SENP6: variants seen among roughly 807,000 people sequenced by gnomAD.
SENP6 encodes the protein SUMO specific peptidase 6, also known as sentrin-specific protease 6.
A neutral mutation model predicts 134.5 loss-of-function variants in SENP6; 41 were observed. The ratio of observed to expected loss-of-function variants is 0.30; its 90% CI spans 0.24 to 0.40. The LOEUF is 0.40. Among genes scored for constraint, SENP6 ranks in the 10% least tolerant of loss-of-function variants. The probability of loss-of-function intolerance (pLI) is 1.00; values close to 1 mark genes in which losing one functional copy is unlikely to be tolerated. For synonymous variants in SENP6, 395 were observed against 429.8 expected, an observed-to-expected ratio of 0.92 and a Z score of 1.00; for missense variants, 1,248 against 1,312.5, an observed-to-expected ratio of 0.95 and a Z score of 0.76.
chr6:75,610,643 A>C (rs1037055003), intron 1 of SENP6, among the ~76,000 whole-genome samples: 1 of 152,174 alleles, frequency 6.6e-6, no homozygotes, highest in Non-Finnish European at 1.5e-5. Context: ...TGGGGCTTTC[A>C]GTGCTAAAAT....
chr6:75,621,878 A>G (rs1768300431), intron 2 of SENP6, among the ~76,000 whole-genome samples: 1 of 152,250 alleles, frequency 6.6e-6, no homozygotes, highest in Admixed American at 6.5e-5. Flanking sequence ...AATTGACTGT[A>G]CAATGGAAGG....
intron 1 of SENP6, among the ~76,000 whole-genome samples, chr6:75,614,447 TA>T (rs905763949): frequency 6.6e-6 from 1 of 151,962 alleles, no homozygotes; most frequent in African/African-American, 2.4e-5. Context: ...TTTGTATTTT[TA>T]GTAGAGATGG....
chr6:75,680,932 T>A (rs966352443), intron 16 of SENP6, among the ~76,000 whole-genome samples: 7 of 152,180 alleles, frequency 4.6e-5, no homozygotes, highest in Non-Finnish European at 8.8e-5. Flanking sequence ...TCTACATAGT[T>A]GCCAGCAAAA....
intron 19 of SENP6, among the ~76,000 whole-genome samples, chr6:75,703,684 C>T (rs1775195991): frequency 6.6e-6 from 1 of 152,110 alleles, no homozygotes; most frequent in South Asian, 2.1e-4. Flanking sequence ...ATCGCTTGAG[C>T]TCAGGGTGCT....
intron 6 of SENP6, among the ~76,000 whole-genome samples, chr6:75,645,492 G>A (rs764236712): frequency 6.6e-6 from 1 of 152,066 alleles, no homozygotes; most frequent in Admixed American, 6.6e-5. Flanking sequence ...TGGCGCACAC[G>A]TGTAATCCCA....
At chr6:75,602,624 A>C (rs1766716156) in intron 1 of SENP6, 48 bp downstream of exon 1, 10 of 1,537,050 alleles carry the variant, frequency 6.5e-6, no homozygotes, top group Non-Finnish European at 8.8e-6. Context: ...GTATACTGGA[A>C]AACGTGGCCC....
chr6:75,675,585 T>C, intron 12 of SENP6, 117 bp downstream of exon 12: 1 of 700,552 alleles, frequency 1.4e-6, no homozygotes, highest in Non-Finnish European at 2.3e-6. Flanking sequence ...TTGTTACATA[T>C]ATCTTCTTAT....
intron 3 of SENP6, among the ~76,000 whole-genome samples, chr6:75,627,958 C>CTGGT (rs1768827060): frequency 6.6e-6 from 1 of 152,186 alleles, no homozygotes; most frequent in Non-Finnish European, 1.5e-5. Context: ...AGGCGTGAGC[C>CTGGT]ACCACGCCTG....
At chr6:75,635,846 A>G (rs922316216) in intron 5 of SENP6, among the ~76,000 whole-genome samples, 2 of 152,154 alleles carry the variant, frequency 1.3e-5, no homozygotes, top group African/African-American at 2.4e-5. Flanking sequence ...GATCATACTA[A>G]TAGAAACCAT....
rs144276996 is a variant in SENP6 at position 75,690,684 on chromosome 6, G to T, written c.2076-5120G>T. 2.0e-3 allele frequency among the ~76,000 whole-genome samples: 300 copies of T among 146,382 alleles called. 2 individuals carry two copies. The highest frequency in any genetic ancestry group is 6.8e-3 in the African/African-American group (273 of 40,066). On this transcript the variant is annotated intron_variant, in intron 16 of 23. Transcript: ENST00000447266. Reference sequence around the variant, plus strand: ...TGATAAATTTTATATGTTTGTTTTGGTTTTTTTGTTTTTTGTTTTTTTTTT... The same window carrying T: ...TGATAAATTTTATATGTTTGTTTTGTTTTTTTTGTTTTTTGTTTTTTTTTT...
chr6:75,658,192 T>C (rs188377116), intron 7 of SENP6, among the ~76,000 whole-genome samples: 220 of 152,286 alleles, frequency 1.4e-3, no homozygotes, highest in Non-Finnish European at 1.9e-3. Context: ...TATTTAAATT[T>C]CTAGCTTTGG....
At chr6:75,663,821 T>TGGG (rs34474209) in intron 9 of SENP6, among the ~76,000 whole-genome samples, 18 of 117,440 alleles carry the variant, frequency 1.5e-4, no homozygotes, top group African/African-American at 5.5e-4. Flanking sequence ...TTTTTTTTTG[T>TGGG]GGGGGGGGGG....
chr6:75,714,045 A>G (rs867974566), intron 23 of SENP6, among the ~76,000 whole-genome samples: 6 of 152,156 alleles, frequency 3.9e-5, no homozygotes, highest in South Asian at 2.1e-4. Flanking sequence ...AGCTCATTCT[A>G]TCACTGAACA....
intron 16 of SENP6, among the ~76,000 whole-genome samples, chr6:75,694,473 C>T (rs1248053275): frequency 2.0e-5 from 3 of 152,176 alleles, no homozygotes; most frequent in Non-Finnish European, 2.9e-5. Flanking sequence ...ATACAATTCA[C>T]CCATTTGAAG....
At position 75,644,674 on chromosome 6, in the gene SENP6, G is replaced by A. The variant is rs866561459; in HGVS notation, c.480-3057G>A. Among the ~76,000 whole-genome samples the A allele has an allele frequency of 2.6e-5, 4 of 152,136 alleles. No homozygotes were observed. In the Middle Eastern group the frequency reaches 0.01, roughly 388 times the overall value. On this transcript the variant is annotated intron_variant, in intron 6 of 23. Transcript: ENST00000447266. ...TGATTTTTGTATTTTTAGTAGAGAC[G>A]GTGTTTCGCCATGTTGGCCAGTCTG...
At chr6:75,669,313 G>T (rs1253106922) in intron 10 of SENP6, among the ~76,000 whole-genome samples, 1 of 152,114 alleles carries the variant, frequency 6.6e-6, no homozygotes, top group Admixed American at 6.6e-5. Flanking sequence ...CTGAGATCAT[G>T]CCACTGCACT....
chr6:75,630,068 CTTT>C (rs35109678), intron 3 of SENP6, among the ~76,000 whole-genome samples: 10 of 139,458 alleles, frequency 7.2e-5, no homozygotes, highest in Non-Finnish European at 9.4e-5. Context: ...CTTGTGATAA[CTTT>C]TTTTTTTTTT....
intron 1 of SENP6, among the ~76,000 whole-genome samples, chr6:75,603,528 A>C (rs2149814582): frequency 6.6e-6 from 1 of 152,298 alleles, no homozygotes; most frequent in South Asian, 2.1e-4. Flanking sequence ...TGCAAAGATG[A>C]TTTTCATTGC....
chr6:75,641,910 A>G (rs1424969066), intron 6 of SENP6, among the ~76,000 whole-genome samples: 1 of 152,054 alleles, frequency 6.6e-6, no homozygotes, highest in Non-Finnish European at 1.5e-5. Context: ...TGTTGAATCA[A>G]TTAAAAAAAA....
Sources: gnomAD v4.1 joint callset for allele counts (sites outside exome capture counted in the v4.1 genomes callset) on GRCh38, gnomAD v4.1.1 for gene constraint, MANE v1.5 for transcripts, NCBI Gene and HGNC (gene_info 2026-07-23, HGNC 2026-07-21) for gene names.